Variants in DIAPH3 observed in about 807,000 individuals in gnomAD.
DIAPH3 encodes diaphanous related formin 3.
A neutral mutation model predicts 144.3 loss-of-function variants in DIAPH3; 117 were observed. That is an observed-to-expected ratio of 0.81 (90% CI 0.70 to 0.95). DIAPH3 has a LOEUF of 0.95. DIAPH3 is among the 40% of genes least tolerant of loss of function. The pLI, the probability that DIAPH3 is intolerant of heterozygous loss-of-function variation, is 0.00. For missense variants in DIAPH3, 1,421 were observed against 1,412.7 expected, an observed-to-expected ratio of 1.01 and a Z score of -0.09; for synonymous variants, 519 against 488.9, an observed-to-expected ratio of 1.06 and a Z score of -0.81.
At chr13:60,099,353 A>G (rs1241359447) in intron 3 of DIAPH3, among the ~76,000 whole-genome samples, 1 of 152,220 alleles carries the variant, frequency 6.6e-6, no homozygotes, top group Non-Finnish European at 1.5e-5. Context: ...ATGCTATTTT[A>G]TAATAACATT....
In DIAPH3 at chr13:60,016,164, A is replaced by G. The variant is rs767125251; in HGVS notation, c.627-19T>C. The G allele has an allele frequency of 6.2e-7, 1 of 1,610,242 alleles. No individual in the cohort carries two copies. The highest frequency in any genetic ancestry group is 1.1e-5 in the South Asian group (1 of 90,910). On this transcript the variant is annotated intron_variant, in intron 5 of 27. Transcript: ENST00000400324. ...CACCCAACTGAAAAACAGAAAAAAG[A>G]CAGTTACACATTGTCAGTAACGCAG...
chr13:59,889,232 C>A (rs1361684473), intron 20 of DIAPH3, among the ~76,000 whole-genome samples: 1 of 152,022 alleles, frequency 6.6e-6, no homozygotes, highest in African/African-American at 2.4e-5. Flanking sequence ...CCTTTGGGGA[C>A]TCCAGTTACA....
rs558236663 is a variant in DIAPH3, at chr13:59,800,494, T to C, written c.3163+10294A>G. Among the ~76,000 whole-genome samples the C allele has an allele frequency of 1.2e-4, 19 of 152,322 alleles. No homozygotes were observed. The East Asian group carries it at 1.3e-3, about 11-fold the overall frequency. On this transcript the variant is annotated intron_variant, in intron 25 of 27. Transcript: ENST00000400324. Reference sequence around the variant, plus strand: ...CTTGACATCATTTGGGTTCTTCTAATATTTTCTGGGCAGAGAAGAACGTTT... The same window carrying C: ...CTTGACATCATTTGGGTTCTTCTAACATTTTCTGGGCAGAGAAGAACGTTT...
chr13:60,129,032 GA>G (rs1456830823), intron 2 of DIAPH3, among the ~76,000 whole-genome samples: 5 of 152,064 alleles, frequency 3.3e-5, no homozygotes, highest in Non-Finnish European at 7.4e-5. Context: ...GCAGTCAGAT[GA>G]ACAAAGAGAT....
At chr13:59,961,944 A>G (rs1459336670) in intron 17 of DIAPH3, among the ~76,000 whole-genome samples, 1 of 152,156 alleles carries the variant, frequency 6.6e-6, no homozygotes. Context: ...GATTTGACCT[A>G]AGTATACTTT....
chr13:60,064,080 G>C (rs1422392763), intron 4 of DIAPH3, among the ~76,000 whole-genome samples: 2 of 152,164 alleles, frequency 1.3e-5, no homozygotes, highest in Non-Finnish European at 2.9e-5. Context: ...AGTAAACCAT[G>C]CTATAAACAG....
At chr13:59,741,545 C>G (rs1189373526) in intron 27 of DIAPH3, among the ~76,000 whole-genome samples, 13 of 151,742 alleles carry the variant, frequency 8.6e-5, no homozygotes, top group Non-Finnish European at 2.9e-5. Context: ...TCACTTGAGC[C>G]CAGGAGTTCA....
At chr13:59,925,348 GAATA>G (rs1488390693) in intron 17 of DIAPH3, among the ~76,000 whole-genome samples, 2 of 152,036 alleles carry the variant, frequency 1.3e-5, no homozygotes, top group East Asian at 1.9e-4. Flanking sequence ...AAAATTAACA[GAATA>G]AATTTTATTG....
intron 4 of DIAPH3, among the ~76,000 whole-genome samples, chr13:60,055,928 T>A (rs1434727344): frequency 1.3e-5 from 2 of 151,796 alleles, no homozygotes; most frequent in African/African-American, 2.4e-5. Context: ...AAGTTCTGAC[T>A]TTTTTAGTAT....
chr13:59,675,390 T>A (rs2032592540), intron 27 of DIAPH3, among the ~76,000 whole-genome samples: 1 of 151,666 alleles, frequency 6.6e-6, no homozygotes, highest in Middle Eastern at 3.4e-3. Flanking sequence ...TTTTAATTTT[T>A]TTTTTTTTTT....
chr13:59,681,033 T>C (rs1191125308), intron 27 of DIAPH3, among the ~76,000 whole-genome samples: 2 of 152,226 alleles, frequency 1.3e-5, no homozygotes, highest in African/African-American at 2.4e-5. Flanking sequence ...TCTAATCTCT[T>C]GCCTTTTTTC....
chr13:59,790,428 AG>A (rs1219746911), intron 25 of DIAPH3, among the ~76,000 whole-genome samples: 3 of 152,230 alleles, frequency 2.0e-5, no homozygotes, highest in African/African-American at 7.2e-5. Flanking sequence ...CCTTGCACAA[AG>A]TAATTTTTAC....
intron 27 of DIAPH3, among the ~76,000 whole-genome samples, chr13:59,772,640 C>G (rs1483632503): frequency 6.6e-6 from 1 of 152,080 alleles, no homozygotes; most frequent in Admixed American, 6.6e-5. Context: ...AGGCTGAGTT[C>G]TCCAAGACCA....
chr13:59,896,381 G>C (rs532007166), intron 20 of DIAPH3, among the ~76,000 whole-genome samples: 1 of 151,942 alleles, frequency 6.6e-6, no homozygotes, highest in South Asian at 2.1e-4. Flanking sequence ...CTCTCTCCCC[G>C]CTCCCTTTAT....
chr13:60,012,717 G>GCTGA (rs2053359056), intron 7 of DIAPH3: 1 of 152,820 alleles, frequency 6.5e-6, no homozygotes, highest in African/African-American at 2.4e-5. Flanking sequence ...GGTGACTCAT[G>GCTGA]CTGACTTCCT....
chr13:59,766,213 G>A (rs1486025567), intron 27 of DIAPH3, among the ~76,000 whole-genome samples: 1 of 152,082 alleles, frequency 6.6e-6, no homozygotes, highest in Non-Finnish European at 1.5e-5. Flanking sequence ...GGGATCATTT[G>A]CCCTTTTTCA....
chr13:59,846,326 A>G (rs1445316014), intron 22 of DIAPH3, among the ~76,000 whole-genome samples: 1 of 152,190 alleles, frequency 6.6e-6, no homozygotes. Flanking sequence ...ACTCACTCTT[A>G]CACATCATGA....
intron 17 of DIAPH3, among the ~76,000 whole-genome samples, chr13:59,964,206 T>A (rs549996233): frequency 6.6e-6 from 1 of 152,074 alleles, no homozygotes; most frequent in African/African-American, 2.4e-5. Flanking sequence ...ACTACCAAGA[T>A]TAAAATATCA....
At chr13:59,784,328 G>A (rs1190051531) in intron 25 of DIAPH3, among the ~76,000 whole-genome samples, 4 of 151,254 alleles carry the variant, frequency 2.6e-5, no homozygotes, top group Non-Finnish European at 4.4e-5. Context: ...TGATCCACCC[G>A]CTTTGGCCTC....
Sources: gnomAD v4.1 joint callset for allele counts (sites outside exome capture counted in the v4.1 genomes callset) on GRCh38, gnomAD v4.1.1 for gene constraint, MANE v1.5 for transcripts, NCBI Gene and HGNC (gene_info 2026-07-23, HGNC 2026-07-21) for gene names.